The following GSG1L variants were observed in gnomAD, a reference collection of about 807,000 sequenced individuals.
The protein encoded by GSG1L is germ cell-specific gene 1-like protein.
A neutral mutation model predicts 42.1 loss-of-function variants in GSG1L; 24 were observed. That is an observed-to-expected ratio of 0.57 (90% CI 0.41 to 0.80). The LOEUF is 0.80. Among genes scored for constraint, GSG1L ranks in the 30% least tolerant of loss-of-function variants. The pLI, the probability that GSG1L is intolerant of heterozygous loss-of-function variation, is 0.00. For synonymous variants in GSG1L, 215 were observed against 203.5 expected (o/e 1.06, Z -0.48); for missense variants, 445 against 472.2 (o/e 0.94, Z 0.53).
chr16:28,035,683 C>CA (rs2086026878), intron 1 of GSG1L, among the ~76,000 whole-genome samples: 2 of 152,328 alleles, frequency 1.3e-5, no homozygotes, highest in South Asian at 4.1e-4. Context: ...AAGTCTTACT[C>CA]AAAGTTTTCC....
At chr16:28,011,847 A>G (rs1432445033) in intron 1 of GSG1L, among the ~76,000 whole-genome samples, 3 of 152,136 alleles carry the variant, frequency 2.0e-5, no homozygotes, top group Non-Finnish European at 2.9e-5. Context: ...AATTTTGGGT[A>G]TTTGGCTCAG....
chr16:28,042,371 G>A (rs2086116495), intron 1 of GSG1L, among the ~76,000 whole-genome samples: 1 of 150,992 alleles, frequency 6.6e-6, no homozygotes, highest in Non-Finnish European at 1.5e-5. Flanking sequence ...GGGGGGCGGA[G>A]GTTGCAGTGA....
intron 2 of GSG1L, among the ~76,000 whole-genome samples, chr16:27,957,892 G>C (rs1276719486): frequency 1.3e-5 from 2 of 152,156 alleles, no homozygotes; most frequent in East Asian, 3.9e-4. Flanking sequence ...TGGCAAGAGA[G>C]AGAGTGAGAA....
chr16:27,989,986 C>T (rs966653183), intron 1 of GSG1L, among the ~76,000 whole-genome samples: 12 of 152,142 alleles, frequency 7.9e-5, no homozygotes, highest in African/African-American at 2.7e-4. Context: ...AGGACCCTGA[C>T]AAGTCATCTT....
intron 1 of GSG1L, among the ~76,000 whole-genome samples, chr16:28,061,300 C>T (rs933456436): frequency 6.6e-6 from 1 of 152,134 alleles, no homozygotes; most frequent in Non-Finnish European, 1.5e-5. Context: ...GGCCAAGATG[C>T]CTTTTGAAGT....
intron 5 of GSG1L, among the ~76,000 whole-genome samples, chr16:27,828,197 C>A (rs2140965589): frequency 6.6e-6 from 1 of 152,210 alleles, no homozygotes; most frequent in South Asian, 2.1e-4. Context: ...ATCCATCTAC[C>A]CATCCACTCA....
At chr16:28,029,197 A>C (rs2085929945) in intron 1 of GSG1L, among the ~76,000 whole-genome samples, 1 of 152,206 alleles carries the variant, frequency 6.6e-6, no homozygotes, top group Non-Finnish European at 1.5e-5. Flanking sequence ...CCCCCAAAGA[A>C]GGGTCCTAAG....
intron 2 of GSG1L, among the ~76,000 whole-genome samples, chr16:27,904,146 T>C (rs936523834): frequency 1.3e-5 from 2 of 152,194 alleles, no homozygotes; most frequent in Non-Finnish European, 2.9e-5. Flanking sequence ...TTGTTCACTG[T>C]AACCTTGAAT....
intron 2 of GSG1L, among the ~76,000 whole-genome samples, chr16:27,943,125 G>A (rs368490184): frequency 2.0e-5 from 3 of 152,016 alleles, no homozygotes; most frequent in Admixed American, 6.6e-5. Context: ...CATGATCATA[G>A]CTCACTACAG....
At chr16:27,816,741 A>T (rs2083098033) in intron 5 of GSG1L, among the ~76,000 whole-genome samples, 2 of 152,032 alleles carry the variant, frequency 1.3e-5, no homozygotes, top group South Asian at 4.2e-4. Flanking sequence ...GGTAGCTCCA[A>T]CCCTGCAGCT....
chr16:28,018,725 T>C (rs558641149), intron 1 of GSG1L, among the ~76,000 whole-genome samples: 2 of 152,018 alleles, frequency 1.3e-5, no homozygotes, highest in South Asian at 2.1e-4. Flanking sequence ...AGTCCCACTG[T>C]TGATGTCCTG....
At chr16:27,945,556 G>T (rs1225528683) in intron 2 of GSG1L, among the ~76,000 whole-genome samples, 1 of 152,202 alleles carries the variant, frequency 6.6e-6, no homozygotes, top group Non-Finnish European at 1.5e-5. Context: ...AGGGGCCAGG[G>T]CATCCCCGCC....
chr16:27,977,053 A>T (rs2085259165), intron 1 of GSG1L, among the ~76,000 whole-genome samples: 1 of 152,158 alleles, frequency 6.6e-6, no homozygotes, highest in East Asian at 1.9e-4. Flanking sequence ...CCAGGATCCC[A>T]CAACCCGGAA....
chr16:27,962,935 G>C lies in GSG1L; in HGVS notation c.397+221C>G, dbSNP rs114702142. ...GGGTGATGACCCTCAGGACTACTCT[G>C]TCAGACAGGGAGGGCAGACAGTCCC... On this transcript the variant is annotated intron_variant, in intron 2 of 6. Coordinates refer to ENST00000447459, the MANE Select transcript of GSG1L (RefSeq NM_001109763.2). Among the ~76,000 whole-genome samples, 932 of 152,294 alleles carry C rather than the reference G, an allele frequency of 6.1e-3. 15 individuals carry two copies. Among genetic ancestry groups the C allele is most frequent in the African/African-American group, 0.021 (890 of 41,564 alleles).
intron 1 of GSG1L, among the ~76,000 whole-genome samples, chr16:28,058,008 C>G (rs2086297999): frequency 6.6e-6 from 1 of 152,220 alleles, no homozygotes; most frequent in African/African-American, 2.4e-5. Flanking sequence ...TGTGATTTCT[C>G]TGAAGCCACT....
chr16:27,978,720 C>T (rs1291249469), intron 1 of GSG1L, among the ~76,000 whole-genome samples: 1 of 151,224 alleles, frequency 6.6e-6, no homozygotes, highest in Non-Finnish European at 1.5e-5. Flanking sequence ...CAAATCCCCA[C>T]TGTGCCACCT....
At chr16:27,954,041 C>G (rs2084979420) in intron 2 of GSG1L, among the ~76,000 whole-genome samples, 2 of 152,070 alleles carry the variant, frequency 1.3e-5, no homozygotes, top group African/African-American at 4.8e-5. Context: ...CAAGTGTTTT[C>G]TATTGTGGAC....
chr16:28,002,433 C>A (rs1339546711), intron 1 of GSG1L, among the ~76,000 whole-genome samples: 2 of 152,118 alleles, frequency 1.3e-5, no homozygotes, highest in Non-Finnish European at 2.9e-5. Context: ...CTAGCCTGGG[C>A]AACGTGGCAA....
chr16:27,969,382 T>C (rs2085168015), intron 1 of GSG1L, among the ~76,000 whole-genome samples: 1 of 152,194 alleles, frequency 6.6e-6, no homozygotes, highest in Non-Finnish European at 1.5e-5. Context: ...TATTGTATGA[T>C]TCATATAGAT....
Sources: gnomAD v4.1 joint callset for allele counts (sites outside exome capture counted in the v4.1 genomes callset) on GRCh38, gnomAD v4.1.1 for gene constraint, MANE v1.5 for transcripts, NCBI Gene and HGNC (gene_info 2026-07-23, HGNC 2026-07-21) for gene names.